CNTN5: variants seen among roughly 807,000 people sequenced by gnomAD.
CNTN5 encodes contactin-5.
In CNTN5, 77 loss-of-function variants were observed where a neutral mutation model predicts 129.1. The ratio of observed to expected loss-of-function variants is 0.60; its 90% CI spans 0.50 to 0.72. The LOEUF is 0.72. Ranked by LOEUF, CNTN5 falls within the 30% of genes least tolerant of loss-of-function variation. The pLI is 0.00. For missense variants in CNTN5, 1,478 were observed against 1,328.8 expected (o/e 1.11, Z -1.75); for synonymous variants, 509 against 465.6 (o/e 1.09, Z -1.20).
intron 3 of CNTN5, among the ~76,000 whole-genome samples, chr11:99,766,830 A>G (rs1020935520): frequency 2.6e-5 from 4 of 152,092 alleles, no homozygotes; most frequent in African/African-American, 9.7e-5. Context: ...AGTCAAGAGC[A>G]TTTCACTTGA....
At chr11:100,099,554 AACTACACAAGGCTACCTT>A (rs61451394) in intron 13 of CNTN5, among the ~76,000 whole-genome samples, 5,662 of 152,230 alleles carry the variant, frequency 0.037, 128 homozygotes, top group African/African-American at 0.066. Flanking sequence ...ACAAGGGGAT[AACTACACAAGGCTACCTT>A]GCCATTCTTC....
chr11:99,914,715 A>T (rs771483892), intron 6 of CNTN5, among the ~76,000 whole-genome samples: 4 of 152,118 alleles, frequency 2.6e-5, no homozygotes, highest in Non-Finnish European at 5.9e-5. Flanking sequence ...AAAATCTTAA[A>T]CACATTCTGC....
At chr11:99,460,429 T>C (rs1264255359) in intron 2 of CNTN5, among the ~76,000 whole-genome samples, 1 of 151,928 alleles carries the variant, frequency 6.6e-6, no homozygotes, top group East Asian at 1.9e-4. Flanking sequence ...TTTTCCATTA[T>C]TTTCAGGAAA....
At chr11:99,496,807 A>G (rs1414082102) in intron 2 of CNTN5, among the ~76,000 whole-genome samples, 2 of 152,234 alleles carry the variant, frequency 1.3e-5, no homozygotes, top group Non-Finnish European at 2.9e-5. Flanking sequence ...CTCTCCATTC[A>G]TAAATAACTA....
intron 13 of CNTN5, among the ~76,000 whole-genome samples, chr11:100,128,795 C>A (rs1946281294): frequency 1.3e-5 from 2 of 151,844 alleles, no homozygotes; most frequent in Non-Finnish European, 1.5e-5. Context: ...TACTTTCCCT[C>A]CCCACCCACT....
intron 3 of CNTN5, among the ~76,000 whole-genome samples, chr11:99,778,372 T>G (rs74766099): frequency 4.0e-5 from 6 of 151,818 alleles, no homozygotes; most frequent in African/African-American, 1.4e-4. Context: ...TTAAACTGTT[T>G]TGTGTTTAGA....
At chr11:99,594,660 C>A (rs1031481336) in intron 3 of CNTN5, among the ~76,000 whole-genome samples, 4 of 152,132 alleles carry the variant, frequency 2.6e-5, no homozygotes, top group African/African-American at 9.7e-5. Flanking sequence ...AGTCACAAAG[C>A]AATAGGTAGC....
chr11:99,186,750 C>A (rs981913039), intron 1 of CNTN5, among the ~76,000 whole-genome samples: 3 of 151,762 alleles, frequency 2.0e-5, no homozygotes, highest in African/African-American at 7.3e-5. Context: ...TAAAATAAGA[C>A]CAGAGGGAAG....
chr11:99,217,422 G>A (rs1860187669), intron 1 of CNTN5, among the ~76,000 whole-genome samples: 1 of 152,164 alleles, frequency 6.6e-6, no homozygotes, highest in South Asian at 2.1e-4. Context: ...CCATATGATA[G>A]GCAAGAATGA....
chr11:100,239,802 G>A (rs1949698636), intron 16 of CNTN5, among the ~76,000 whole-genome samples: 2 of 152,030 alleles, frequency 1.3e-5, no homozygotes, highest in Non-Finnish European at 2.9e-5. Context: ...AGTTACATAG[G>A]GTAATTATAC....
intron 9 of CNTN5, among the ~76,000 whole-genome samples, chr11:100,044,827 A>G (rs145526941): frequency 6.6e-5 from 10 of 152,114 alleles, no homozygotes; most frequent in African/African-American, 2.2e-4. Context: ...TTCATTTTTA[A>G]TACAGGTCCA....
intron 2 of CNTN5, among the ~76,000 whole-genome samples, chr11:99,415,063 C>CAA (rs35497376): frequency 1 from 152,210 of 152,288 alleles, 76,066 homozygotes; most frequent in Middle Eastern, 1. Flanking sequence ...TGCTAAAACA[C>CAA]ACTCTTTGGA....
rs766897535 is a variant in CNTN5 at position 99,916,093 on chromosome 11, C to T, written c.617C>T (p.Ser206Phe). The T allele has an allele frequency of 1.2e-6, 2 of 1,612,520 alleles. No individual in the cohort carries two copies. Among genetic ancestry groups the T allele is most frequent in the East Asian group, 2.2e-5 (1 of 44,766 alleles). ...AGTGGCCGGACAAGAAGTGCAGTCT[C>T]TGTGAGGGAAGGCCAGGGTGTCGTT... ...NFSGRTRSAVSVREGQGVVLM... is the reference protein window; with the variant it reads ...NFSGRTRSAVFVREGQGVVLM... Residue 206 changes from serine (S) to phenylalanine (F), a missense_variant, in exon 7 of 25, where the codon TCT becomes TTT. By Grantham distance (155) the Ser-to-Phe change is radical. Coordinates refer to ENST00000524871, the MANE Select transcript of CNTN5 (RefSeq NM_014361.4).
At chr11:99,309,151 C>T (rs1357951248) in intron 1 of CNTN5, among the ~76,000 whole-genome samples, 1 of 150,354 alleles carries the variant, frequency 6.7e-6, no homozygotes. Context: ...AATCTTATCA[C>T]TTTTTATTAA....
chr11:100,286,905 G>A (rs1428591500), intron 18 of CNTN5, among the ~76,000 whole-genome samples: 1 of 152,004 alleles, frequency 6.6e-6, no homozygotes, highest in African/African-American at 2.4e-5. Context: ...ACAGAGAAGT[G>A]CTTAAAGGAG....
chr11:99,163,561 G>A (rs770157920), intron 1 of CNTN5, among the ~76,000 whole-genome samples: 2 of 151,958 alleles, frequency 1.3e-5, no homozygotes, highest in Non-Finnish European at 2.9e-5. Flanking sequence ...TTTAAATAAT[G>A]TCATACTTTG....
rs1164576099 is a variant in CNTN5, at chr11:99,866,956, T to C, written c.577+21694T>C. ...CTTGGGTTATTTGGAATTGTATAGA[T>C]AGTTGGAGGTTTTTACAATTTTAGG... On this transcript the variant is annotated intron_variant, in intron 6 of 24. Coordinates refer to ENST00000524871, the MANE Select transcript of CNTN5 (RefSeq NM_014361.4). Among the ~76,000 whole-genome samples, 3 of 152,302 alleles carry C rather than the reference T, an allele frequency of 2.0e-5. No individual in the cohort carries two copies. The East Asian group carries it at 5.8e-4, about 30-fold the overall frequency.
chr11:99,400,143 C>T (rs1175287192), intron 2 of CNTN5, among the ~76,000 whole-genome samples: 2 of 152,022 alleles, frequency 1.3e-5, no homozygotes, highest in Non-Finnish European at 2.9e-5. Context: ...CATTAACCAT[C>T]CCCACTTTCC....
chr11:99,424,298 G>A (rs1943022257), intron 2 of CNTN5, among the ~76,000 whole-genome samples: 1 of 152,204 alleles, frequency 6.6e-6, no homozygotes, highest in Non-Finnish European at 1.5e-5. Flanking sequence ...TAATGGGTGG[G>A]TAGCATAAGT....
Sources: gnomAD v4.1 joint callset for allele counts (sites outside exome capture counted in the v4.1 genomes callset) on GRCh38, gnomAD v4.1.1 for gene constraint, MANE v1.5 for transcripts, NCBI Gene and HGNC (gene_info 2026-07-23, HGNC 2026-07-21) for gene names.